The following MEI4 variants were observed in gnomAD, a reference collection of about 807,000 sequenced individuals.
The protein encoded by MEI4 is meiosis-specific protein MEI4.
Under a neutral mutation model 31.4 loss-of-function variants are expected in MEI4, and 27 were observed. That is an observed-to-expected ratio of 0.86 (90% CI 0.63 to 1.19). The LOEUF is 1.19. MEI4 is among the 50% of genes most tolerant of loss of function. The pLI, the probability that MEI4 is intolerant of heterozygous loss-of-function variation, is 0.00. For missense variants in MEI4, 329 were observed against 398.9 expected, an observed-to-expected ratio of 0.82 and a Z score of 1.49; for synonymous variants, 122 against 145.4, an observed-to-expected ratio of 0.84 and a Z score of 1.16.
chr6:77,919,945 C>T (rs933125559), intron 4 of MEI4, among the ~76,000 whole-genome samples: 2 of 147,778 alleles, frequency 1.4e-5, no homozygotes, highest in Admixed American at 6.8e-5. Flanking sequence ...CAAGACTGAA[C>T]CAGGAAGAAG....
At chr6:77,797,447 A>T (rs1372478536) in intron 3 of MEI4, among the ~76,000 whole-genome samples, 1 of 152,168 alleles carries the variant, frequency 6.6e-6, no homozygotes, top group Non-Finnish European at 1.5e-5. Flanking sequence ...GAATTGGCTT[A>T]CACGATCATA....
At chr6:77,805,437 C>A (rs1217875699) in intron 3 of MEI4, among the ~76,000 whole-genome samples, 1 of 152,012 alleles carries the variant, frequency 6.6e-6, no homozygotes, top group Admixed American at 6.6e-5. Flanking sequence ...TTTGAAAAAT[C>A]TTTTATGTAA....
intron 2 of MEI4, among the ~76,000 whole-genome samples, chr6:77,714,059 A>G (rs1326903519): frequency 6.6e-6 from 1 of 152,176 alleles, no homozygotes; most frequent in Non-Finnish European, 1.5e-5. Flanking sequence ...TACAAAAGAC[A>G]TGATCTCATT....
intron 1 of MEI4, among the ~76,000 whole-genome samples, chr6:77,656,222 A>C (rs925891136): frequency 6.6e-6 from 1 of 152,166 alleles, no homozygotes; most frequent in African/African-American, 2.4e-5. Context: ...GGAGAGAGAG[A>C]TATGGCTTTC....
At chr6:77,690,517 A>AT (rs1021960584) in intron 1 of MEI4, 141 bp from the exon 2 acceptor site, 282 of 400,032 alleles carry the variant, frequency 7.0e-4, no homozygotes, top group East Asian at 1.0e-3. Flanking sequence ...TCAGTCCCTG[A>AT]TTTTTTTTTC....
intron 2 of MEI4, among the ~76,000 whole-genome samples, chr6:77,759,369 G>T (rs1441456796): frequency 1.3e-5 from 2 of 151,850 alleles, no homozygotes; most frequent in Non-Finnish European, 2.9e-5. Context: ...TATAGTTTCT[G>T]CTATCTACAC....
chr6:77,902,629 G>C (rs944021907), intron 4 of MEI4, among the ~76,000 whole-genome samples: 2 of 152,094 alleles, frequency 1.3e-5, no homozygotes, highest in Non-Finnish European at 2.9e-5. Context: ...GCTGGGAAGT[G>C]ATTAGGGCCA....
At chr6:77,917,862 T>C (rs1404954574) in intron 4 of MEI4, among the ~76,000 whole-genome samples, 1 of 148,080 alleles carries the variant, frequency 6.8e-6, no homozygotes, top group Non-Finnish European at 1.5e-5. Context: ...TCCTGAATGG[T>C]AATGCCTAGG....
At chr6:77,824,269 T>C (rs1329082089) in intron 3 of MEI4, among the ~76,000 whole-genome samples, 3 of 152,180 alleles carry the variant, frequency 2.0e-5, no homozygotes, top group African/African-American at 7.2e-5. Flanking sequence ...TTTGTATTTT[T>C]AGTAGAGATG....
intron 2 of MEI4, among the ~76,000 whole-genome samples, chr6:77,751,019 T>C (rs897065571): frequency 6.6e-6 from 1 of 152,142 alleles, no homozygotes; most frequent in Non-Finnish European, 1.5e-5. Context: ...GAATGACTAC[T>C]GGGTAAATAA....
chr6:77,855,351 A>G (rs1485461423), intron 4 of MEI4, among the ~76,000 whole-genome samples: 1 of 152,178 alleles, frequency 6.6e-6, no homozygotes, highest in Non-Finnish European at 1.5e-5. Context: ...TCTAAAAAAA[A>G]AAAAGACAAT....
At position 77,910,200 on chromosome 6, in the gene MEI4, C is replaced by G. The variant is rs571466985; in HGVS notation, c.901-12889C>G. Among the ~76,000 whole-genome samples the G allele has an allele frequency of 5.8e-4, 88 of 152,212 alleles. 2 individuals are homozygous for G. Among genetic ancestry groups the G allele is most frequent in the African/African-American group, 1.5e-3 (64 of 41,552 alleles). The stretch of plus-strand genomic sequence containing the variant: ...CCTATTCAACATAGTGTTGGAAGTT[C>G]TGGCCAGGGCAATCAGGCAGGAGAA... On this transcript the variant is annotated intron_variant, in intron 4 of 4. Coordinates refer to ENST00000684080, the MANE Select transcript of MEI4 (RefSeq NM_001322247.2).
chr6:77,855,481 C>T (rs1432416811), intron 4 of MEI4, among the ~76,000 whole-genome samples: 1 of 152,200 alleles, frequency 6.6e-6, no homozygotes, highest in Non-Finnish European at 1.5e-5. Context: ...CTATCTTACT[C>T]TAAACTCTAG....
At chr6:77,800,056 A>G (rs1176336679) in intron 3 of MEI4, among the ~76,000 whole-genome samples, 8 of 152,018 alleles carry the variant, frequency 5.3e-5, no homozygotes, top group Admixed American at 3.9e-4. Context: ...CTTGATGGGG[A>G]TGGCATTGAA....
At chr6:77,789,191 T>A (rs1351710515) in intron 3 of MEI4, among the ~76,000 whole-genome samples, 1 of 152,190 alleles carries the variant, frequency 6.6e-6, no homozygotes, top group Non-Finnish European at 1.5e-5. Context: ...CTGGGAAAAC[T>A]GACTAGCCAT....
chr6:77,761,577 G>T lies in MEI4; in HGVS notation c.680G>T (p.Ser227Ile). ...ASLISDYNLS[S>I]HILKKCSKKL... The stretch of plus-strand genomic sequence containing the variant: ...CTGATCAGTGACTATAACTTATCTA[G>T]TCATATTCTTAAAAAGTGTTCCAAG... Residue 227 changes from serine to isoleucine, a missense_variant, in exon 3 of 5, where the codon AGT becomes ATT. Ser to Ile is a moderately radical substitution (Grantham distance 142). Transcript: ENST00000684080. The T allele has an allele frequency of 2.4e-6, 3 of 1,231,884 alleles. No homozygotes were observed. The highest frequency in any genetic ancestry group is 3.0e-6 in the Non-Finnish European group (3 of 987,796). The allele number at this position is 1,231,884 out of a possible 1,614,324, so 76.3% of individuals were successfully genotyped here.
chr6:77,764,190 A>C (rs1768111113), intron 3 of MEI4, among the ~76,000 whole-genome samples: 1 of 151,988 alleles, frequency 6.6e-6, no homozygotes, highest in Admixed American at 6.6e-5. Context: ...CTTTCGATTC[A>C]GTTTTGGTAA....
At chr6:77,802,936 T>G (rs889227838) in intron 3 of MEI4, among the ~76,000 whole-genome samples, 91 of 152,204 alleles carry the variant, frequency 6.0e-4, no homozygotes, top group African/African-American at 1.8e-3. Flanking sequence ...TGGTGAATCT[T>G]ACAATTATGT....
chr6:77,881,214 C>G lies in MEI4; in HGVS notation c.901-41875C>G, dbSNP rs13437004. Among the ~76,000 whole-genome samples the G allele has an allele frequency of 8.7e-3, 1,322 of 152,054 alleles. 20 individuals carry two copies. Among genetic ancestry groups the G allele is most frequent in the African/African-American group, 0.03 (1,245 of 41,506 alleles). On this transcript the variant is annotated intron_variant, in intron 4 of 4. Transcript: ENST00000684080. ...TCTATGTTCAAAATGTTGTGGTAAA[C>G]AGACTAATTTGCTGAAAGCATCTAA...
Sources: allele counts gnomAD v4.1 joint callset (sites outside exome capture counted in the v4.1 genomes callset), GRCh38; gene constraint gnomAD v4.1.1; transcripts MANE v1.5; gene names NCBI Gene and HGNC (gene_info 2026-07-23, HGNC 2026-07-21).